Variants in RNF213 observed in about 807,000 individuals in gnomAD.
The protein encoded by RNF213 is ring finger protein 213, also known as E3 ubiquitin-protein ligase RNF213.
In RNF213, 341 loss-of-function variants were observed where a neutral mutation model predicts 514.4. The ratio of observed to expected loss-of-function variants is 0.66; its 90% confidence interval spans 0.61 to 0.73. The LOEUF is 0.73. RNF213 is among the 30% of genes least tolerant of loss of function. RNF213 has a pLI of 0.00. For missense variants in RNF213, 5,767 were observed against 6,615.6 expected, an observed-to-expected ratio of 0.87 and a Z score of 4.45; for synonymous variants, 2,655 against 2,658.2, an observed-to-expected ratio of 1.00 and a Z score of 0.04.
intron 63 of RNF213, among the ~76,000 whole-genome samples, chr17:80,387,118 G>A (rs2080268985): frequency 6.6e-6 from 1 of 152,226 alleles, no homozygotes; most frequent in African/African-American, 2.4e-5. Context: ...GTCCCCCAAG[G>A]AACTGTTGAG....
At chr17:80,335,880 G>A (rs2077974098) in intron 22 of RNF213, among the ~76,000 whole-genome samples, 1 of 151,818 alleles carries the variant, frequency 6.6e-6, no homozygotes, top group East Asian at 1.9e-4. Flanking sequence ...GGGAGGCTGA[G>A]GCAAGAGAAT....
At chr17:80,388,822 G>A (rs1716027267) in intron 64 of RNF213, 133 bp downstream of exon 64, 2 of 783,840 alleles carry the variant, frequency 2.6e-6, no homozygotes, top group Non-Finnish European at 4.6e-6. Flanking sequence ...CTCCCTTACA[G>A]AGAGCAAGCA....
chr17:80,364,574 C>T, intron 42 of RNF213, 21 bp downstream of exon 42: 1 of 1,614,110 alleles, frequency 6.2e-7, no homozygotes, highest in Middle Eastern at 1.6e-4. Context: ...GGGCTGGCCT[C>T]AGCACATGCA....
chr17:80,313,393 G>A (rs2045636532), intron 15 of RNF213, among the ~76,000 whole-genome samples: 1 of 151,920 alleles, frequency 6.6e-6, no homozygotes, highest in African/African-American at 2.4e-5. Flanking sequence ...GTGTCCCCTG[G>A]CCGGGCACAG....
At chr17:80,316,654 G>C in intron 15 of RNF213, 1 of 196,706 alleles carries the variant, frequency 5.1e-6, no homozygotes. Flanking sequence ...GAGTTGCACA[G>C]GGAAGGGCTA....
intron 11 of RNF213, among the ~76,000 whole-genome samples, chr17:80,302,511 A>C (rs926124014): frequency 6.6e-6 from 1 of 152,182 alleles, no homozygotes; most frequent in Non-Finnish European, 1.5e-5. Flanking sequence ...ATATATAGAA[A>C]TATAACACTG....
Position 80,345,635 on chromosome 17 carries a change from A to T in RNF213, c.7300A>T (p.Ser2434Cys). Residue 2434 changes from serine (S) to cysteine (C), a missense_variant, in exon 29 of 68, where the codon AGC becomes TGC. Ser to Cys is a moderately radical substitution (Grantham distance 112, BLOSUM62 -1). This residue lies in a region of RNF213 where 1,377 missense variants were observed against 1,635.2 expected (regional missense o/e 0.84). Transcript: ENST00000582970. This position sits in a 1 kb window ranked among gnomAD's most constrained non-coding sequence, Gnocchi z 6.0. ...CGKTRLIKFL[S>C]DLRRGGTNAD... ...GAAAACCAGGCTTATTAAATTCCTT[A>T]GCGACCTGCGGCGTGGTGGTACCAA... 1.2e-6 allele frequency: 2 copies of T among 1,614,210 alleles called. No individual in the cohort carries two copies. Among genetic ancestry groups the T allele is most frequent in the African/African-American group, 1.3e-5 (1 of 75,042 alleles).
In RNF213 at chr17:80,343,947, T is replaced by G. The variant is rs1413629114; in HGVS notation, c.6274T>G (p.Cys2092Gly). 6.2e-7 allele frequency: 1 copy of G among 1,614,124 alleles called. No homozygotes were observed. The highest frequency in any genetic ancestry group is 8.5e-7 in the Non-Finnish European group (1 of 1,180,040). Residue 2092 changes from cysteine (C) to glycine (G), a missense_variant, in exon 28 of 68, where the codon TGC (cysteine) becomes GGC (glycine). This residue lies in a region of RNF213 where 1,377 missense variants were observed against 1,635.2 expected (regional missense o/e 0.84). Coordinates refer to ENST00000582970, the MANE Select transcript of RNF213 (RefSeq NM_001256071.3). The surrounding 1 kb of genome is among the most constrained non-coding windows in gnomAD (Gnocchi z 4.3). ...TGGGAAAATGTGGCTTCGGAACCCCTGCCATTTGTATATCGTTGAAATCCT... is the reference window on the plus strand; with the variant it reads ...TGGGAAAATGTGGCTTCGGAACCCCGGCCATTTGTATATCGTTGAAATCCT... ...INGKMWLRNP[C>G]HLYIVEILER...
Position 80,339,584 on chromosome 17 carries a change from G to T in RNF213, c.5217G>T (p.Arg1739Ser), listed in dbSNP as rs761318347. The change falls in exon 26 of 68, where the codon AGG (arginine) becomes AGT (serine). Residue 1739 changes from arginine (R) to serine (S), a missense_variant. Physicochemically the swap from Arg to Ser is moderately radical, Grantham distance 110 (BLOSUM62 -1). This residue lies in a region of RNF213 where 1,377 missense variants were observed against 1,635.2 expected (regional missense o/e 0.84). Coordinates refer to ENST00000582970, the MANE Select transcript of RNF213 (RefSeq NM_001256071.3). ...LSFIKSNCTLRDVLRASVGCG... is the reference protein window; with the variant it reads ...LSFIKSNCTLSDVLRASVGCG... Reference sequence around the variant, plus strand: ...TCATCAAAAGCAACTGCACCCTGAGGGATGTCTTAAGGGCCTCTGTGGGGT... The same window carrying T: ...TCATCAAAAGCAACTGCACCCTGAGTGATGTCTTAAGGGCCTCTGTGGGGT... 1 of 1,537,186 alleles carries T rather than the reference G, an allele frequency of 6.5e-7. No individual in the cohort carries two copies. Among genetic ancestry groups the T allele is most frequent in the South Asian group, 1.2e-5 (1 of 84,060 alleles).
At chr17:80,294,438 G>T (rs146938946) in intron 8 of RNF213, among the ~76,000 whole-genome samples, 12 of 152,176 alleles carry the variant, frequency 7.9e-5, no homozygotes, top group African/African-American at 2.9e-4. Flanking sequence ...TTAGAGATCC[G>T]TTGCAAGTCT....
chr17:80,309,375 T>G (rs547317243), intron 14 of RNF213, among the ~76,000 whole-genome samples: 1 of 152,262 alleles, frequency 6.6e-6, no homozygotes, highest in Admixed American at 6.5e-5. Flanking sequence ...GGGTCTGCCC[T>G]TCTGCCACCT....
intron 42 of RNF213, 149 bp downstream of exon 42, chr17:80,364,702 G>T: frequency 1.2e-6 from 1 of 860,384 alleles, no homozygotes; most frequent in Non-Finnish European, 1.9e-6. Context: ...TTCATCACTA[G>T]GCCATTACAT....
intron 32 of RNF213, chr17:80,352,562 C>A: frequency 1.8e-6 from 1 of 541,906 alleles, no homozygotes; most frequent in Non-Finnish European, 3.3e-6. Flanking sequence ...AGTAAGTTTA[C>A]TTGAATAATT....
At chr17:80,299,534 G>GTTTA (rs149502065) in intron 11 of RNF213, among the ~76,000 whole-genome samples, 19,391 of 149,880 alleles carry the variant, frequency 0.13, 1,474 homozygotes, top group East Asian at 0.28. Context: ...ACCAGAGAAA[G>GTTTA]TTTATTTATT....
chr17:80,330,230 G>T (rs983101319), intron 20 of RNF213, among the ~76,000 whole-genome samples: 8 of 152,184 alleles, frequency 5.3e-5, no homozygotes, highest in African/African-American at 1.9e-4. Flanking sequence ...TGGAGGTTTT[G>T]CTTTTCCTGG....
chr17:80,302,496 T>C (rs561615455), intron 11 of RNF213, among the ~76,000 whole-genome samples: 1 of 152,330 alleles, frequency 6.6e-6, no homozygotes, highest in South Asian at 2.1e-4. Flanking sequence ...TTATGTATTG[T>C]ATACATATAT....
At chr17:80,360,347 C>T (rs948885620) in intron 38 of RNF213, 141 bp downstream of exon 38, 9 of 956,436 alleles carry the variant, frequency 9.4e-6, no homozygotes, top group Admixed American at 2.0e-5. Context: ...GTGCAGTAAG[C>T]GTCCAATTTA....
At chr17:80,361,662 G>T in intron 38 of RNF213, 72 bp from the exon 39 acceptor site, 1 of 1,567,624 alleles carries the variant, frequency 6.4e-7, no homozygotes. Flanking sequence ...CTTCACTCCG[G>T]AGCCCCCTGG....
At position 80,343,361 on chromosome 17, in the gene RNF213, A is replaced by G; in HGVS notation, c.6183+36A>G. On this transcript the variant is annotated intron_variant, in intron 27 of 67. Transcript: ENST00000582970. The surrounding 1 kb of genome is among the most constrained non-coding windows in gnomAD (Gnocchi z 4.3). ...TCCAGCGTCAGCCGATGGCCACATC[A>G]GTAAAGACGTGGTCCCCATGTCTCT... 6.4e-7 allele frequency: 1 copy of G among 1,570,314 alleles called. No homozygotes were observed. The highest frequency in any genetic ancestry group is 1.1e-5 in the South Asian group (1 of 88,654).
Sources: allele counts gnomAD v4.1 joint callset (sites outside exome capture counted in the v4.1 genomes callset), GRCh38; gene constraint gnomAD v4.1.1; regional missense constraint gnomAD v4.1.1; non-coding constraint Gnocchi (gnomAD v3.1); transcripts MANE v1.5; gene names NCBI Gene and HGNC (gene_info 2026-07-23, HGNC 2026-07-21).